Variants in PDE4D observed in about 807,000 individuals in gnomAD.
PDE4D encodes the protein 3',5'-cyclic-AMP phosphodiesterase 4D.
Under a neutral mutation model 87.4 loss-of-function variants are expected in PDE4D, and 24 were observed. The ratio of observed to expected loss-of-function variants is 0.27; its 90% CI spans 0.20 to 0.39. The LOEUF is 0.39. Ranked by LOEUF, PDE4D falls within the 10% of genes least tolerant of loss-of-function variation. The probability of loss-of-function intolerance (pLI) is 1.00; values close to 1 mark genes in which losing one functional copy is unlikely to be tolerated. For missense variants in PDE4D, 714 were observed against 1,041.0 expected, an observed-to-expected ratio of 0.69 and a Z score of 4.32; for synonymous variants, 384 against 383.2, an observed-to-expected ratio of 1.00 and a Z score of -0.02.
chr5:59,450,514 G>T (rs929893247), intron 1 of PDE4D, among the ~76,000 whole-genome samples: 1 of 152,058 alleles, frequency 6.6e-6, no homozygotes, highest in Admixed American at 6.6e-5. Context: ...AAGGTGGCTG[G>T]TTTTTTAAAA....
chr5:60,004,359 T>C lies in PDE4D; in HGVS notation c.43-15642A>G, dbSNP rs190899869. 2.1e-3 allele frequency among the ~76,000 whole-genome samples: 322 copies of C among 152,286 alleles called. 1 individual carries two copies. Among genetic ancestry groups the C allele is most frequent in the Non-Finnish European group, 3.6e-3 (247 of 68,008 alleles). Reference sequence around the variant, plus strand: ...AGATGCTCAAGTCCTGCATATAAAATAGCATAGTATTTGCATATAACCTAC... The same window carrying C: ...AGATGCTCAAGTCCTGCATATAAAACAGCATAGTATTTGCATATAACCTAC... On this transcript the variant is annotated intron_variant, in intron 2 of 16. Coordinates refer to the PDE4D transcript ENST00000502484.
At chr5:59,195,323 T>C (rs1453534965) in intron 2 of PDE4D, among the ~76,000 whole-genome samples, 1 of 151,778 alleles carries the variant, frequency 6.6e-6, no homozygotes, top group African/African-American at 2.4e-5. Flanking sequence ...CCTAGAACAA[T>C]GGCCCAGGGT....
At chr5:59,505,325 C>T (rs1809056259) in intron 1 of PDE4D, among the ~76,000 whole-genome samples, 1 of 152,150 alleles carries the variant, frequency 6.6e-6, no homozygotes, top group African/African-American at 2.4e-5. Flanking sequence ...TTTGTTCAAA[C>T]AGCATTATTA....
intron 1 of PDE4D, among the ~76,000 whole-genome samples, chr5:60,386,230 A>G (rs1762183141): frequency 6.6e-6 from 1 of 152,114 alleles, no homozygotes; most frequent in African/African-American, 2.4e-5. Context: ...CTAATTAGGA[A>G]TTTTGCTTTC....
intron 1 of PDE4D, among the ~76,000 whole-genome samples, chr5:59,388,626 T>TACACACACAC (rs71604788): frequency 2.1e-4 from 31 of 148,302 alleles, no homozygotes; most frequent in African/African-American, 6.2e-4. Context: ...GAAAATGTGG[T>TACACACACAC]ACACACACAC....
At chr5:59,456,029 C>T (rs916636822) in intron 1 of PDE4D, among the ~76,000 whole-genome samples, 1 of 152,150 alleles carries the variant, frequency 6.6e-6, no homozygotes, top group Non-Finnish European at 1.5e-5. Flanking sequence ...AAGGGACTCC[C>T]CTTGTCTCAG....
chr5:59,321,258 C>T (rs1774681418), intron 1 of PDE4D, among the ~76,000 whole-genome samples: 2 of 152,058 alleles, frequency 1.3e-5, no homozygotes, highest in Admixed American at 1.3e-4. Context: ...CCCTCGCTCC[C>T]TGAGATGGCA....
At chr5:60,195,795 G>T (rs1741145918) in intron 1 of PDE4D, among the ~76,000 whole-genome samples, 1 of 151,682 alleles carries the variant, frequency 6.6e-6, no homozygotes, top group Non-Finnish European at 1.5e-5. Context: ...TACACCTAAT[G>T]GCTTCAAAGC....
chr5:60,348,023 G>A (rs190697282), intron 1 of PDE4D, among the ~76,000 whole-genome samples: 40 of 152,148 alleles, frequency 2.6e-4, no homozygotes, highest in Admixed American at 2.0e-3. Flanking sequence ...ATTATTGCCC[G>A]CCTACTTTGC....
In PDE4D at chr5:60,121,928, G is replaced by T. The variant is rs552096614; in HGVS notation, c.42+63629C>A. 7.9e-5 allele frequency among the ~76,000 whole-genome samples: 12 copies of T among 152,296 alleles called. No individual in the cohort carries two copies. The East Asian group carries it at 2.3e-3, about 29-fold the overall frequency. ...ACTTCCTAGAGACAATGCAGGTACA[G>T]GTAGTGGGTAAATGCAGCCATTCCA... On this transcript the variant is annotated intron_variant, in intron 2 of 16. Transcript: ENST00000502484.
At chr5:59,154,206 A>G (rs1308732717) in intron 5 of PDE4D, among the ~76,000 whole-genome samples, 2 of 152,226 alleles carry the variant, frequency 1.3e-5, no homozygotes, top group African/African-American at 4.8e-5. Context: ...TGCTGGCATC[A>G]TGGAAGGCCA....
At chr5:60,125,412 GCCATCATAATCTCCTGC>G (rs1264013763) in intron 2 of PDE4D, among the ~76,000 whole-genome samples, 1 of 152,048 alleles carries the variant, frequency 6.6e-6, no homozygotes, top group East Asian at 1.9e-4. Context: ...CCTAGTCCAA[GCCATCATAATCTCCTGC>G]CTGGAATACT....
At chr5:59,725,971 A>C (rs1294530148) in intron 1 of PDE4D, among the ~76,000 whole-genome samples, 1 of 152,108 alleles carries the variant, frequency 6.6e-6, no homozygotes, top group Non-Finnish European at 1.5e-5. Flanking sequence ...GAAATGGTTA[A>C]GACCACCCTA....
intron 1 of PDE4D, among the ~76,000 whole-genome samples, chr5:59,605,633 G>C (rs1210552301): frequency 2.0e-5 from 3 of 152,046 alleles, no homozygotes; most frequent in African/African-American, 7.2e-5. Context: ...TATAATTCTT[G>C]GGCCTGTTAT....
intron 6 of PDE4D, among the ~76,000 whole-genome samples, chr5:59,031,392 T>TTATATA (rs138464552): frequency 1.5e-4 from 5 of 34,260 alleles, no homozygotes; most frequent in African/African-American, 7.8e-4. Context: ...TATATATATA[T>TTATATA]TATATATATA....
chr5:59,217,327 C>A, intron 1 of PDE4D: 1 of 453,636 alleles, frequency 2.2e-6, no homozygotes, highest in Non-Finnish European at 4.4e-6. Flanking sequence ...CCATTAGAAT[C>A]TTTATTCAAA....
chr5:60,103,732 C>G (rs1038244455), intron 2 of PDE4D, among the ~76,000 whole-genome samples: 3 of 152,128 alleles, frequency 2.0e-5, no homozygotes, highest in African/African-American at 7.2e-5. Context: ...GTAAATCATT[C>G]TATCTGTCAC....
rs1444907805 is a variant in PDE4D, at chr5:60,156,720, C to A, written c.42+28837G>T. On this transcript the variant is annotated intron_variant, in intron 2 of 16. Transcript: ENST00000502484. ...CCTAGTTTCTGTTAATATTTTGGCACAATTTCTACCATTTTTTCTATGTAT... is the reference window on the plus strand; with the variant it reads ...CCTAGTTTCTGTTAATATTTTGGCAAAATTTCTACCATTTTTTCTATGTAT... 5.5e-4 allele frequency among the ~76,000 whole-genome samples: 84 copies of A among 152,164 alleles called. 1 individual carries two copies. Among genetic ancestry groups the A allele is most frequent in the Non-Finnish European group, 4.4e-5 (3 of 67,972 alleles).
chr5:59,447,253 C>CA (rs1397523354), intron 1 of PDE4D, among the ~76,000 whole-genome samples: 1 of 152,222 alleles, frequency 6.6e-6, no homozygotes, highest in Admixed American at 6.5e-5. Context: ...TGTACTTTCT[C>CA]ATCTGGTAAC....
Sources: allele counts gnomAD v4.1 joint callset (sites outside exome capture counted in the v4.1 genomes callset), GRCh38; gene constraint gnomAD v4.1.1; transcripts MANE v1.5; gene names NCBI Gene and HGNC (gene_info 2026-07-23, HGNC 2026-07-21).